Variants in GNAQ observed in about 807,000 individuals in gnomAD.
The protein encoded by GNAQ is G protein subunit alpha q, also known as guanine nucleotide-binding protein G(q) subunit alpha.
In GNAQ, 8 loss-of-function variants were observed where a neutral mutation model predicts 43.9. The ratio of observed to expected loss-of-function variants is 0.18; its 90% CI spans 0.11 to 0.33. The LOEUF (loss-of-function observed/expected upper bound fraction) is 0.33. Among genes scored for constraint, GNAQ ranks in the 10% least tolerant of loss-of-function variants. The pLI is 1.00. For synonymous variants in GNAQ, 155 were observed against 170.7 expected, an observed-to-expected ratio of 0.91 and a Z score of 0.71; for missense variants, 158 against 450.8, an observed-to-expected ratio of 0.35 and a Z score of 5.88.
intron 1 of GNAQ, among the ~76,000 whole-genome samples, chr9:78,005,787 G>A (rs74549625): frequency 2.2e-3 from 332 of 152,202 alleles, no homozygotes; most frequent in Non-Finnish European, 3.3e-3. Context: ...GCATCCCCAC[G>A]ACTACTCCCC....
In GNAQ at chr9:77,778,616, T is replaced by C. The variant is rs115437133; in HGVS notation, c.735+15847A>G. On this transcript the variant is annotated intron_variant, in intron 5 of 6. Transcript: ENST00000286548. The stretch of plus-strand genomic sequence containing the variant: ...ACACTTTAAATGTGAACGGTCTACA[T>C]ACACCAATTAAAAGACAGAGATGGC... Among the ~76,000 whole-genome samples, 1,126 of 151,814 alleles carry C rather than the reference T, an allele frequency of 7.4e-3. 12 individuals carry two copies. Among genetic ancestry groups the C allele is most frequent in the African/African-American group, 0.026 (1,067 of 41,452 alleles).
chr9:78,005,322 G>A (rs1371290263), intron 1 of GNAQ, among the ~76,000 whole-genome samples: 1 of 152,192 alleles, frequency 6.6e-6, no homozygotes, highest in Non-Finnish European at 1.5e-5. Flanking sequence ...TGGGATTATA[G>A]GCATGAGCCA....
At chr9:77,825,374 G>A (rs1827176802) in intron 2 of GNAQ, among the ~76,000 whole-genome samples, 1 of 152,080 alleles carries the variant, frequency 6.6e-6, no homozygotes, top group East Asian at 1.9e-4. Flanking sequence ...CATACACCTA[G>A]CAACTGCCCA....
At chr9:77,827,163 T>C (rs910781512) in intron 2 of GNAQ, among the ~76,000 whole-genome samples, 3 of 152,136 alleles carry the variant, frequency 2.0e-5, no homozygotes, top group African/African-American at 7.2e-5. Context: ...TTTCATTATA[T>C]TGCATTAATC....
At chr9:77,967,121 A>G (rs1445474639) in intron 1 of GNAQ, among the ~76,000 whole-genome samples, 1 of 152,204 alleles carries the variant, frequency 6.6e-6, no homozygotes, top group Non-Finnish European at 1.5e-5. Flanking sequence ...TCTAACGTGT[A>G]GGTGAACTAT....
intron 2 of GNAQ, among the ~76,000 whole-genome samples, chr9:77,849,208 C>T (rs1271265439): frequency 6.6e-6 from 1 of 152,200 alleles, no homozygotes; most frequent in Non-Finnish European, 1.5e-5. Context: ...TAACTGATGA[C>T]TCCCAAAGGT....
intron 2 of GNAQ, among the ~76,000 whole-genome samples, chr9:77,865,275 T>G (rs1226996664): frequency 3.9e-5 from 6 of 152,190 alleles, no homozygotes; most frequent in Non-Finnish European, 8.8e-5. Context: ...TTTCAGAATA[T>G]CATTTCAAGA....
intron 1 of GNAQ, among the ~76,000 whole-genome samples, chr9:77,943,343 G>C: frequency 6.6e-6 from 1 of 152,308 alleles, no homozygotes; most frequent in East Asian, 1.9e-4. Flanking sequence ...CATGTTCGAC[G>C]TGTCTTGAGA....
At chr9:77,923,831 GGAA>G (rs1829031448) in intron 1 of GNAQ, among the ~76,000 whole-genome samples, 1 of 151,886 alleles carries the variant, frequency 6.6e-6, no homozygotes, top group Non-Finnish European at 1.5e-5. Flanking sequence ...AGAGAGGGAG[GGAA>G]GGAAGGAGGG....
intron 1 of GNAQ, among the ~76,000 whole-genome samples, chr9:77,966,855 C>T (rs11145637): frequency 0.2 from 30,884 of 152,126 alleles, 3,381 homozygotes; most frequent in South Asian, 0.39. Flanking sequence ...TGGAAGAGCT[C>T]TCTCAGCAAG....
At chr9:77,926,218 T>A (rs1263909537) in intron 1 of GNAQ, among the ~76,000 whole-genome samples, 4 of 152,198 alleles carry the variant, frequency 2.6e-5, no homozygotes, top group Non-Finnish European at 4.4e-5. Flanking sequence ...TGTGTCATTC[T>A]CCTATTTTTA....
At position 77,920,471 on chromosome 9, in the gene GNAQ, C is replaced by T. The variant is rs775341824; in HGVS notation, c.321+1690G>A. 9.2e-5 allele frequency among the ~76,000 whole-genome samples: 14 copies of T among 152,160 alleles called. 1 individual carries two copies. Among genetic ancestry groups the T allele is most frequent in the South Asian group, 2.1e-4 (1 of 4,822 alleles). On this transcript the variant is annotated intron_variant, in intron 2 of 6. Coordinates refer to ENST00000286548, the MANE Select transcript of GNAQ (RefSeq NM_002072.5). ...ATCAGATCATCATATTATTAACTGA[C>T]CGTAAACTGGAAAACTCGCTGGTAT...
intron 5 of GNAQ, among the ~76,000 whole-genome samples, chr9:77,767,167 A>C (rs893089677): frequency 8.5e-5 from 13 of 152,146 alleles, no homozygotes; most frequent in African/African-American, 3.1e-4. Context: ...GTTGGGAGAA[A>C]GGTATGGCGG....
rs538848146 is a variant in GNAQ, at chr9:77,788,693, C to T, written c.735+5770G>A. ...TAATTATATACTCTTTTCTCTCACT[C>T]AAACAGTTTATAGAAATAGAAGTAA... On this transcript the variant is annotated intron_variant, in intron 5 of 6. Coordinates refer to ENST00000286548, the MANE Select transcript of GNAQ (RefSeq NM_002072.5). 3.3e-4 allele frequency among the ~76,000 whole-genome samples: 51 copies of T among 152,280 alleles called. 1 individual carries two copies. Among genetic ancestry groups the T allele is most frequent in the Middle Eastern group, 3.4e-3 (1 of 294 alleles).
At chr9:77,755,685 T>G (rs1390494429) in intron 5 of GNAQ, among the ~76,000 whole-genome samples, 1 of 152,250 alleles carries the variant, frequency 6.6e-6, no homozygotes, top group African/African-American at 2.4e-5. Flanking sequence ...GTTAACTTTA[T>G]GTAACAGCAT....
intron 5 of GNAQ, among the ~76,000 whole-genome samples, chr9:77,769,410 A>AG (rs1006022288): frequency 2.7e-4 from 41 of 151,852 alleles, no homozygotes; most frequent in African/African-American, 9.2e-4. Flanking sequence ...TTAAAAAAAA[A>AG]AAAAAGGAAG....
intron 2 of GNAQ, among the ~76,000 whole-genome samples, chr9:77,862,008 T>TAA (rs56145947): frequency 1.8e-4 from 21 of 118,094 alleles, no homozygotes; most frequent in African/African-American, 7.1e-4. Context: ...CTGTCTGGGG[T>TAA]AAAAAAAAAA....
At chr9:77,811,897 C>G (rs995174477) in intron 3 of GNAQ, among the ~76,000 whole-genome samples, 5 of 152,116 alleles carry the variant, frequency 3.3e-5, no homozygotes, top group African/African-American at 1.2e-4. Context: ...CAGGAATAAA[C>G]TGATTCTACT....
intron 2 of GNAQ, among the ~76,000 whole-genome samples, chr9:77,906,553 C>T (rs1266319657): frequency 6.6e-6 from 1 of 152,088 alleles, no homozygotes; most frequent in Non-Finnish European, 1.5e-5. Context: ...GAAAAAAGTA[C>T]TTGTGATATA....
Sources: allele counts gnomAD v4.1 joint callset (sites outside exome capture counted in the v4.1 genomes callset), GRCh38; gene constraint gnomAD v4.1.1; transcripts MANE v1.5; gene names NCBI Gene and HGNC (gene_info 2026-07-23, HGNC 2026-07-21).